SELENOT: variants seen among roughly 807,000 people sequenced by gnomAD.
SELENOT encodes the protein selenoprotein T, also known as thioredoxin reductase-like selenoprotein T.
Under a neutral mutation model 24.3 loss-of-function variants are expected in SELENOT, and 9 were observed. The ratio of observed to expected loss-of-function variants is 0.37; its 90% CI spans 0.22 to 0.65. The LOEUF (loss-of-function observed/expected upper bound fraction) is 0.65, where lower values mean the gene tolerates loss of function less well. SELENOT is among the 30% of genes least tolerant of loss of function. The pLI, the probability that SELENOT is intolerant of heterozygous loss-of-function variation, is 0.60. For synonymous variants in SELENOT, 81 were observed against 86.0 expected (o/e 0.94, Z 0.32); for missense variants, 166 against 247.6 (o/e 0.67, Z 2.21).
At chr3:150,614,757 G>C (rs1038523628) in intron 1 of SELENOT, among the ~76,000 whole-genome samples, 4 of 151,814 alleles carry the variant, frequency 2.6e-5, no homozygotes, top group African/African-American at 9.7e-5. Flanking sequence ...CAGAGGGCTT[G>C]AAGTGGGAAA....
At chr3:150,612,404 T>TA (rs574131597) in intron 1 of SELENOT, among the ~76,000 whole-genome samples, 113 of 152,306 alleles carry the variant, frequency 7.4e-4, no homozygotes, top group African/African-American at 2.6e-3. Flanking sequence ...TATATATATA[T>TA]TTTTAATGTT....
chr3:150,603,714 C>T (rs544445958), intron 1 of SELENOT: 76 of 477,204 alleles, frequency 1.6e-4, no homozygotes, highest in African/African-American at 1.5e-3. Context: ...TTTTTTGCCT[C>T]CTAGAACAGT....
At position 150,628,453 on chromosome 3, in the gene SELENOT, T is replaced by C. The variant is rs1559900082; in HGVS notation, c.*824T>C. On this transcript the variant is annotated 3_prime_UTR_variant, in exon 6 of 6. Transcript: ENST00000471696. ...TTAACAATTGCTTAAATTTTTGTTT[T>C]TGATTTATGGATAATTTCTTAAGAG... 6.6e-6 allele frequency: 1 copy of C among 152,616 alleles called. No homozygotes were observed. The highest frequency in any genetic ancestry group is 2.4e-5 in the African/African-American group (1 of 41,448). 9.5% of individuals were successfully genotyped at this position (152,616 alleles called of 1,614,324 possible). A position where few individuals can be genotyped will look rare whatever the true frequency, so the allele number is the denominator to read the frequency against.
chr3:150,624,930 T>C, intron 4 of SELENOT, 31 bp downstream of exon 4: 1 of 1,163,478 alleles, frequency 8.6e-7, no homozygotes, highest in East Asian at 2.7e-5. Flanking sequence ...ATTTTGTGAT[T>C]GATTTTAAAT....
intron 1 of SELENOT, chr3:150,611,888 T>C: frequency 9.8e-7 from 1 of 1,015,886 alleles, no homozygotes; most frequent in Non-Finnish European, 1.4e-6. Context: ...GTCTCCGAGC[T>C]CCGGGGTACC....
chr3:150,609,243 G>A lies in SELENOT; in HGVS notation c.137+5744G>A, dbSNP rs140805160. Among the ~76,000 whole-genome samples the A allele has an allele frequency of 1.4e-4, 22 of 152,262 alleles. No homozygotes were observed. In the East Asian group the frequency reaches 2.9e-3, roughly 20 times the overall value. ...TCAGTAACTTTTCGGCCTGGCCTCC[G>A]TGCCTCTACAGGTGGGACTATAAAC... On this transcript the variant is annotated intron_variant, in intron 1 of 5. Transcript: ENST00000471696.
At chr3:150,604,068 G>C (rs566241349) in intron 1 of SELENOT, among the ~76,000 whole-genome samples, 1 of 152,204 alleles carries the variant, frequency 6.6e-6, no homozygotes, top group African/African-American at 2.4e-5. Context: ...ACAGCTGGAG[G>C]GGGTGGAAGG....
At chr3:150,624,687 C>T in intron 3 of SELENOT, 125 bp from the exon 4 acceptor site, 1 of 520,876 alleles carries the variant, frequency 1.9e-6, no homozygotes, top group Non-Finnish European at 3.4e-6. Flanking sequence ...TACTTTTGCT[C>T]TATGTATGTT....
chr3:150,624,362 A>G (rs907012086), intron 3 of SELENOT, among the ~76,000 whole-genome samples: 3 of 152,178 alleles, frequency 2.0e-5, no homozygotes, highest in African/African-American at 7.2e-5. Context: ...GAGAGAGTAT[A>G]GATTTGCCTT....
At chr3:150,605,243 T>G (rs1473489850) in intron 1 of SELENOT, among the ~76,000 whole-genome samples, 1 of 152,204 alleles carries the variant, frequency 6.6e-6, no homozygotes, top group Non-Finnish European at 1.5e-5. Context: ...ATTGCAGTTT[T>G]CAAATTATTT....
At chr3:150,625,457 T>A (rs771939214) in intron 4 of SELENOT, among the ~76,000 whole-genome samples, 1 of 152,152 alleles carries the variant, frequency 6.6e-6, no homozygotes, top group Non-Finnish European at 1.5e-5. Context: ...CCCCCTATTT[T>A]ATGGATTACC....
At chr3:150,613,590 A>G (rs1354200646) in intron 1 of SELENOT, among the ~76,000 whole-genome samples, 2 of 150,488 alleles carry the variant, frequency 1.3e-5, no homozygotes, top group Non-Finnish European at 3.0e-5. Context: ...AAGGAAGATA[A>G]TTGTAAAATC....
chr3:150,603,580 G>C (rs1725894405), intron 1 of SELENOT, 81 bp downstream of exon 1: 9 of 1,416,854 alleles, frequency 6.4e-6, no homozygotes, highest in Non-Finnish European at 8.5e-6. Flanking sequence ...CGGCTTCGCG[G>C]CCTAAATGGC....
intron 1 of SELENOT, among the ~76,000 whole-genome samples, chr3:150,615,274 A>T (rs2108009512): frequency 6.6e-6 from 1 of 151,968 alleles, no homozygotes; most frequent in East Asian, 1.9e-4. Context: ...ATTGTTGGAC[A>T]TTTGGGTTGG....
chr3:150,622,327 A>G (rs2177148), intron 1 of SELENOT, 58 bp from the exon 2 acceptor site: 419,074 of 828,358 alleles, frequency 0.51, 107,283 homozygotes, highest in East Asian at 0.59. Context: ...TTAACTAACT[A>G]CAAAATAAAT....
chr3:150,619,629 T>C lies in SELENOT; in HGVS notation c.138-2756T>C, dbSNP rs564581121. On this transcript the variant is annotated intron_variant, in intron 1 of 5. Transcript: ENST00000471696. The stretch of plus-strand genomic sequence containing the variant: ...TAGGCAGCTGATGCAGCATTTTTAG[T>C]GTGTTCATATACTTATTTGGAGGTG... 2.6e-5 allele frequency among the ~76,000 whole-genome samples: 4 copies of C among 152,314 alleles called. No homozygotes were observed. In the South Asian group the frequency reaches 8.3e-4, roughly 32 times the overall value.
intron 3 of SELENOT, 63 bp downstream of exon 3, chr3:150,623,232 G>A (rs1726378151): frequency 7.4e-7 from 1 of 1,355,986 alleles, no homozygotes; most frequent in Non-Finnish European, 9.7e-7. Context: ...TATTCTAATA[G>A]ATTTTCTTAT....
At position 150,628,280 on chromosome 3, in the gene SELENOT, T is replaced by C. The variant is rs535435392; in HGVS notation, c.*651T>C. The C allele has an allele frequency of 1.4e-3, 214 of 152,714 alleles. No homozygotes were observed. In the South Asian group the frequency reaches 0.017, roughly 12 times the overall value. The allele number at this position is 152,714 out of a possible 1,614,324, so 9.5% of individuals were successfully genotyped here. A position where few individuals can be genotyped will look rare whatever the true frequency, so the allele number is the denominator to read the frequency against. On this transcript the variant is annotated 3_prime_UTR_variant, in exon 6 of 6. Coordinates refer to ENST00000471696, the MANE Select transcript of SELENOT (RefSeq NM_016275.5). ...AAAACCAACTGCTTTTTAAATCCTA[T>C]TGTGTAGTTAAAGTGTCATGCCTTG...
chr3:150,621,900 T>G (rs373205761), intron 1 of SELENOT, among the ~76,000 whole-genome samples: 7 of 152,190 alleles, frequency 4.6e-5, no homozygotes, highest in African/African-American at 1.4e-4. Flanking sequence ...CCTTGATTTT[T>G]TTTGTTTGTT....
Sources: allele counts gnomAD v4.1 joint callset (sites outside exome capture counted in the v4.1 genomes callset), GRCh38; gene constraint gnomAD v4.1.1; transcripts MANE v1.5; gene names NCBI Gene and HGNC (gene_info 2026-07-23, HGNC 2026-07-21).